Variants in NRG3 observed in about 807,000 individuals in gnomAD.
NRG3 encodes the protein neuregulin 3.
A neutral mutation model predicts 66.9 loss-of-function variants in NRG3; 31 were observed. The ratio of observed to expected loss-of-function variants is 0.46; its 90% CI spans 0.35 to 0.63. NRG3 has a LOEUF of 0.63. Ranked by LOEUF, NRG3 falls within the 20% of genes least tolerant of loss-of-function variation. The probability of loss-of-function intolerance (pLI) is 0.00; values close to 1 mark genes in which losing one functional copy is unlikely to be tolerated. For missense variants in NRG3, 910 were observed against 878.9 expected (o/e 1.04, Z -0.45); for synonymous variants, 393 against 359.4 (o/e 1.09, Z -1.06).
At chr10:82,152,735 C>T (rs1564614395) in intron 1 of NRG3, among the ~76,000 whole-genome samples, 1 of 151,120 alleles carries the variant, frequency 6.6e-6, no homozygotes, top group Non-Finnish European at 1.5e-5. Flanking sequence ...TTTGAAATCT[C>T]TATTGCTGTG....
chr10:82,454,557 A>G (rs780587110), intron 2 of NRG3, among the ~76,000 whole-genome samples: 1 of 152,240 alleles, frequency 6.6e-6, no homozygotes, highest in Non-Finnish European at 1.5e-5. Flanking sequence ...ATTTACAATG[A>G]ATGAGGAGAA....
chr10:82,944,330 G>T (rs1848817755), intron 4 of NRG3, among the ~76,000 whole-genome samples: 1 of 152,102 alleles, frequency 6.6e-6, no homozygotes, highest in African/African-American at 2.4e-5. Flanking sequence ...TGTTTTAGTG[G>T]GCATTATTCT....
rs182671571 is a variant in NRG3, at chr10:82,477,007, A to G, written c.953+118139A>G. On this transcript the variant is annotated intron_variant, in intron 2 of 8. Transcript: ENST00000372141. Reference sequence around the variant, plus strand: ...TCCCTTTTGGAAAGGATGGATGACAAGTCTGGCACTACTTCTGGGCCAGGG... The same window carrying G: ...TCCCTTTTGGAAAGGATGGATGACAGGTCTGGCACTACTTCTGGGCCAGGG... Among the ~76,000 whole-genome samples the G allele has an allele frequency of 4.6e-5, 7 of 152,328 alleles. No individual in the cohort carries two copies. In the East Asian group the frequency reaches 1.4e-3, roughly 29 times the overall value.
chr10:82,150,244 G>A (rs1376939349), intron 1 of NRG3, among the ~76,000 whole-genome samples: 1 of 152,146 alleles, frequency 6.6e-6, no homozygotes, highest in South Asian at 2.1e-4. Context: ...CCATTTGCAG[G>A]TGTTGAAGAC....
intron 2 of NRG3, among the ~76,000 whole-genome samples, chr10:82,593,346 A>G (rs2047089794): frequency 1.3e-5 from 2 of 152,228 alleles, no homozygotes; most frequent in African/African-American, 2.4e-5. Context: ...GCTGCAGTTA[A>G]TACCAACAAA....
chr10:82,322,370 A>G (rs1255197854), intron 1 of NRG3, among the ~76,000 whole-genome samples: 3 of 151,982 alleles, frequency 2.0e-5, no homozygotes, highest in Non-Finnish European at 4.4e-5. Flanking sequence ...GGTGAAGAAT[A>G]TGTAAGTAGG....
intron 2 of NRG3, among the ~76,000 whole-genome samples, chr10:82,596,177 T>C (rs2047264831): frequency 6.6e-6 from 1 of 152,186 alleles, no homozygotes; most frequent in South Asian, 2.1e-4. Flanking sequence ...GAGAGTCTCA[T>C]ACAATCAGTC....
intron 2 of NRG3, among the ~76,000 whole-genome samples, chr10:82,431,888 A>G (rs2089831084): frequency 6.6e-6 from 1 of 152,202 alleles, no homozygotes. Flanking sequence ...AGAAATGGGC[A>G]TTCCTCCATG....
intron 1 of NRG3, among the ~76,000 whole-genome samples, chr10:82,281,532 T>TG (rs1355059474): frequency 6.6e-6 from 1 of 151,958 alleles, no homozygotes; most frequent in Non-Finnish European, 1.5e-5. Context: ...AATGTGGGGA[T>TG]GGGGTGGAAC....
chr10:82,851,918 T>G (rs896335622), intron 3 of NRG3, among the ~76,000 whole-genome samples: 3 of 152,126 alleles, frequency 2.0e-5, no homozygotes, highest in Non-Finnish European at 4.4e-5. Context: ...ACTCAGAGTA[T>G]GTAGATATAA....
intron 2 of NRG3, among the ~76,000 whole-genome samples, chr10:82,607,650 CTTCT>C (rs972485720): frequency 2.0e-4 from 30 of 151,370 alleles, no homozygotes; most frequent in African/African-American, 6.5e-4. Context: ...CTCTTTTTTT[CTTCT>C]TTCTTTCTTT....
intron 4 of NRG3, among the ~76,000 whole-genome samples, chr10:82,919,062 A>AGTGTGTGTGT (rs71471761): frequency 3.0e-4 from 42 of 141,824 alleles, no homozygotes; most frequent in African/African-American, 9.2e-4. Flanking sequence ...ATAGGGGTGG[A>AGTGTGTGTGT]GTGTGTGTGT....
intron 1 of NRG3, among the ~76,000 whole-genome samples, chr10:81,910,969 C>A (rs572035534): frequency 6.6e-6 from 1 of 152,226 alleles, no homozygotes; most frequent in South Asian, 2.1e-4. Flanking sequence ...TTTCTTACAA[C>A]TTTAGAATTT....
chr10:81,993,577 C>T (rs147447360), intron 1 of NRG3, among the ~76,000 whole-genome samples: 1 of 152,016 alleles, frequency 6.6e-6, no homozygotes, highest in South Asian at 2.1e-4. Flanking sequence ...GAACTCCTGG[C>T]CTCAACTGAT....
At chr10:82,590,231 C>T (rs1186551358) in intron 2 of NRG3, among the ~76,000 whole-genome samples, 1 of 152,118 alleles carries the variant, frequency 6.6e-6, no homozygotes, top group Non-Finnish European at 1.5e-5. Context: ...TCTAGCAAAA[C>T]TTAACGGTAA....
At chr10:82,183,114 T>C (rs943028602) in intron 1 of NRG3, among the ~76,000 whole-genome samples, 3 of 152,006 alleles carry the variant, frequency 2.0e-5, no homozygotes, top group African/African-American at 4.8e-5. Flanking sequence ...GTTCATCTTA[T>C]TGGGGATTCA....
intron 1 of NRG3, among the ~76,000 whole-genome samples, chr10:82,219,343 G>A (rs970829822): frequency 3.4e-5 from 5 of 145,098 alleles, no homozygotes; most frequent in African/African-American, 1.3e-4. Flanking sequence ...GACATTGTCA[G>A]ATGTCTTCTG....
At chr10:82,234,829 C>T (rs1291146711) in intron 1 of NRG3, among the ~76,000 whole-genome samples, 1 of 152,198 alleles carries the variant, frequency 6.6e-6, no homozygotes, top group Non-Finnish European at 1.5e-5. Flanking sequence ...GTCTACACTC[C>T]ACCTTACCTG....
At chr10:81,886,967 T>C (rs1842658919) in intron 1 of NRG3, among the ~76,000 whole-genome samples, 1 of 152,194 alleles carries the variant, frequency 6.6e-6, no homozygotes, top group Admixed American at 6.6e-5. Context: ...TTTATTGTAC[T>C]TTTTTGTATT....
Sources: gnomAD v4.1 joint callset for allele counts (sites outside exome capture counted in the v4.1 genomes callset) on GRCh38, gnomAD v4.1.1 for gene constraint, MANE v1.5 for transcripts, NCBI Gene and HGNC (gene_info 2026-07-23, HGNC 2026-07-21) for gene names.